HECW2: variants seen among roughly 807,000 people sequenced by gnomAD.
The protein encoded by HECW2 is HECT, C2 and WW domain containing E3 ubiquitin protein ligase 2, also known as E3 ubiquitin-protein ligase HECW2.
Under a neutral mutation model 175.2 loss-of-function variants are expected in HECW2, and 61 were observed. That is an observed-to-expected ratio of 0.35 (90% CI 0.28 to 0.43). The LOEUF (loss-of-function observed/expected upper bound fraction) is 0.43. Ranked by LOEUF, HECW2 falls within the 20% of genes least tolerant of loss-of-function variation. HECW2 has a pLI of 1.00. For missense variants in HECW2, 1,524 were observed against 2,000.5 expected (o/e 0.76, Z 4.54); for synonymous variants, 671 against 731.0 (o/e 0.92, Z 1.32).
chr2:196,498,221 GT>G (rs1317335735), intron 1 of HECW2, among the ~76,000 whole-genome samples: 2 of 151,932 alleles, frequency 1.3e-5, no homozygotes, highest in African/African-American at 4.8e-5. Context: ...TCAGAGCCTG[GT>G]TTTTTTCACA....
rs754564239 is a variant in HECW2 at position 196,278,547 on chromosome 2, C to T, written c.3116G>A (p.Arg1039His). ...ACTCACCTCACCCGCACTGTGGCTG[C>T]GTTGCCTTGTCAGGTGTTGCCGATG... is the stretch of plus-strand genomic sequence containing the variant. ...LVHRQHLTRQ[R>H]SHSAGEVGED... is the part of the protein sequence containing the mutation. Residue 1039 changes from arginine (R) to histidine (H), a missense_variant, in exon 15 of 29, where the codon CGC becomes CAC. Physicochemically the swap from Arg to His is conservative, Grantham distance 29 (BLOSUM62 0). This residue lies in a region of HECW2 where 291 missense variants were observed against 412.2 expected (regional missense o/e 0.71). Coordinates refer to ENST00000644978, the MANE Select transcript of HECW2 (RefSeq NM_001348768.2). The T allele has an allele frequency of 4.3e-6, 7 of 1,614,088 alleles. No individual in the cohort carries two copies. Among genetic ancestry groups the T allele is most frequent in the Admixed American group, 1.7e-5 (1 of 60,012 alleles).
At chr2:196,591,590 G>T (rs1047603261) in intron 1 of HECW2, among the ~76,000 whole-genome samples, 1 of 152,156 alleles carries the variant, frequency 6.6e-6, no homozygotes, top group African/African-American at 2.4e-5. Context: ...GGATAGTAAC[G>T]TTACAGTGTC....
At chr2:196,288,100 A>T (rs943837238) in intron 14 of HECW2, 3 of 152,064 alleles carry the variant, frequency 2.0e-5, no homozygotes, top group Non-Finnish European at 4.4e-5. Flanking sequence ...TAATTCAAAG[A>T]AGAGGCATTT....
chr2:196,216,340 G>C (rs1687474646), intron 27 of HECW2, among the ~76,000 whole-genome samples: 1 of 151,916 alleles, frequency 6.6e-6, no homozygotes, highest in Admixed American at 6.6e-5. Flanking sequence ...AATGTCGGGT[G>C]AATTTAAAAA....
chr2:196,580,069 A>G (rs1690715124), intron 1 of HECW2, among the ~76,000 whole-genome samples: 1 of 152,214 alleles, frequency 6.6e-6, no homozygotes, highest in African/African-American at 2.4e-5. Flanking sequence ...TAAGACAAAA[A>G]TTGTTACTTA....
intron 1 of HECW2, among the ~76,000 whole-genome samples, chr2:196,541,778 C>G (rs1689224422): frequency 1.3e-5 from 2 of 151,702 alleles, no homozygotes; most frequent in South Asian, 4.2e-4. Flanking sequence ...TCCCAGAAAC[C>G]AGAAAGGACT....
chr2:196,348,260 C>T (rs947580059), intron 2 of HECW2, among the ~76,000 whole-genome samples: 5 of 151,880 alleles, frequency 3.3e-5, no homozygotes, highest in African/African-American at 1.2e-4. Context: ...ATTTTTTTTC[C>T]TATATTCAAT....
In HECW2 at chr2:196,253,948, A is replaced by G. The variant is rs766925651; in HGVS notation, c.3501T>C (p.Ser1167=). The change falls in exon 19 of 29, where the codon TCT becomes TCC. Residue 1167 remains serine (S), a synonymous_variant. Transcript: ENST00000644978. ...GCGAGTTCTGAGGAGATGACACGGG[A>G]GAGCCACGTGGGGACTGACAGTAGC... is the stretch of plus-strand genomic sequence containing the variant. ...HPSYCQSPRG[S]PVSSPQNSPG... The G allele has an allele frequency of 6.2e-7, 1 of 1,614,068 alleles. No homozygotes were observed. Among genetic ancestry groups the G allele is most frequent in the Admixed American group, 1.7e-5 (1 of 60,020 alleles).
chr2:196,266,543 G>C (rs956466967), intron 17 of HECW2, among the ~76,000 whole-genome samples: 6 of 152,098 alleles, frequency 3.9e-5, no homozygotes, highest in Non-Finnish European at 8.8e-5. Context: ...GAGAGAGCTA[G>C]GCAGGTCTTA....
intron 19 of HECW2, 93 bp from the exon 20 acceptor site, chr2:196,242,297 A>T: frequency 6.7e-7 from 1 of 1,496,646 alleles, no homozygotes; most frequent in South Asian, 1.2e-5. Flanking sequence ...ACAATCAACA[A>T]GTCAAATGAG....
intron 1 of HECW2, among the ~76,000 whole-genome samples, chr2:196,469,177 T>C (rs1419406963): frequency 6.6e-6 from 1 of 150,420 alleles, no homozygotes. Context: ...CCAAGAAAAT[T>C]GTAAAAAGGA....
At chr2:196,516,783 A>G (rs1349113950) in intron 1 of HECW2, among the ~76,000 whole-genome samples, 1 of 152,192 alleles carries the variant, frequency 6.6e-6, no homozygotes, top group East Asian at 1.9e-4. Flanking sequence ...TGAATCAGAC[A>G]GTAGGAAAGT....
At chr2:196,360,380 A>G (rs1693544204) in intron 2 of HECW2, among the ~76,000 whole-genome samples, 1 of 151,986 alleles carries the variant, frequency 6.6e-6, no homozygotes, top group South Asian at 2.1e-4. Flanking sequence ...AAAGAATGAG[A>G]TCATGTATTT....
chr2:196,286,563 C>T (rs1482747822), intron 14 of HECW2, among the ~76,000 whole-genome samples: 1 of 152,120 alleles, frequency 6.6e-6, no homozygotes, highest in African/African-American at 2.4e-5. Context: ...AAAAGGTACA[C>T]AACCCCTAGA....
chr2:196,518,402 T>C (rs899866487), intron 1 of HECW2, among the ~76,000 whole-genome samples: 18 of 152,008 alleles, frequency 1.2e-4, no homozygotes, highest in African/African-American at 4.1e-4. Context: ...ACGACTGTAA[T>C]CCCAGCACTT....
chr2:196,371,982 C>T (rs1157071582), intron 2 of HECW2, among the ~76,000 whole-genome samples: 1 of 152,130 alleles, frequency 6.6e-6, no homozygotes, highest in Non-Finnish European at 1.5e-5. Context: ...TAAAGTAGTA[C>T]TTTTTCACTT....
chr2:196,410,936 G>A (rs1444465239), intron 2 of HECW2, among the ~76,000 whole-genome samples: 1 of 152,086 alleles, frequency 6.6e-6, no homozygotes, highest in Non-Finnish European at 1.5e-5. Context: ...GAAGATACAT[G>A]CAGATTCTGA....
At chr2:196,259,360 G>T (rs560974306) in intron 17 of HECW2, among the ~76,000 whole-genome samples, 2 of 152,266 alleles carry the variant, frequency 1.3e-5, no homozygotes, top group East Asian at 3.8e-4. Flanking sequence ...GGAAGGCAAG[G>T]TTTCATGTTC....
At chr2:196,401,971 C>T (rs573444844) in intron 2 of HECW2, among the ~76,000 whole-genome samples, 71 of 152,016 alleles carry the variant, frequency 4.7e-4, no homozygotes, top group African/African-American at 1.3e-3. Context: ...GAGGCTGAGG[C>T]GGGCGGATCA....
Sources: allele counts gnomAD v4.1 joint callset (sites outside exome capture counted in the v4.1 genomes callset), GRCh38; gene constraint gnomAD v4.1.1; regional missense constraint gnomAD v4.1.1; transcripts MANE v1.5; gene names NCBI Gene and HGNC (gene_info 2026-07-23, HGNC 2026-07-21).